Variants in SNX17 observed in about 807,000 individuals in gnomAD.
SNX17 encodes sorting nexin-17.
A neutral mutation model predicts 64.3 loss-of-function variants in SNX17; 35 were observed. The ratio of observed to expected loss-of-function variants is 0.54; its 90% CI spans 0.42 to 0.72. The LOEUF (loss-of-function observed/expected upper bound fraction) is 0.72, where lower values mean the gene tolerates loss of function less well. Among genes scored for constraint, SNX17 ranks in the 30% least tolerant of loss-of-function variants. SNX17 has a pLI of 0.00. For synonymous variants in SNX17, 259 were observed against 230.2 expected, an observed-to-expected ratio of 1.13 and a Z score of -1.13; for missense variants, 538 against 610.0, an observed-to-expected ratio of 0.88 and a Z score of 1.24.
chr2:27,376,407 C>T lies in SNX17; in HGVS notation c.1257+20C>T. ...CTGCTTGTAAGTATTACCTCCTGGT[C>T]AGAACCCTGGCTCTCAGCCCTGCCT... is the stretch of plus-strand genomic sequence containing the variant. On this transcript the variant is annotated intron_variant, in intron 13 of 14. Coordinates refer to ENST00000233575, the MANE Select transcript of SNX17 (RefSeq NM_014748.4). 3.7e-6 allele frequency: 6 copies of T among 1,614,068 alleles called. No individual in the cohort carries two copies. The highest frequency in any genetic ancestry group is 5.1e-6 in the Non-Finnish European group (6 of 1,179,994).
At chr2:27,371,159 G>T (rs1682475278) in intron 1 of SNX17, 110 bp from the exon 2 acceptor site, 1 of 972,918 alleles carries the variant, frequency 1.0e-6, no homozygotes, top group Non-Finnish European at 1.6e-6. Flanking sequence ...CTATCCCTCG[G>T]GAGATTAGCG....
chr2:27,375,213 A>G lies in SNX17; in HGVS notation c.774+60A>G. On this transcript the variant is annotated intron_variant, in intron 9 of 14. Coordinates refer to ENST00000233575, the MANE Select transcript of SNX17 (RefSeq NM_014748.4). This position sits in a 1 kb window ranked among gnomAD's most constrained non-coding sequence, Gnocchi z 4.1. Reference sequence around the variant, plus strand: ...GCTTGCAGTGGCGCGATCTTGGCTCACTGCAAGCTCTGCCTCTCAGATTCA... The same window carrying G: ...GCTTGCAGTGGCGCGATCTTGGCTCGCTGCAAGCTCTGCCTCTCAGATTCA... 6.7e-7 allele frequency: 1 copy of G among 1,484,162 alleles called. No individual in the cohort carries two copies. Among genetic ancestry groups the G allele is most frequent in the Non-Finnish European group, 9.4e-7 (1 of 1,068,750 alleles). The allele number at this position is 1,484,162 out of a possible 1,614,324, so 91.9% of individuals were successfully genotyped here. A position where few individuals can be genotyped will look rare whatever the true frequency, so the allele number is the denominator to read the frequency against.
Position 27,374,431 on chromosome 2 carries a change from G to C in SNX17, c.609G>C (p.Lys203Asn). 1 of 1,613,744 alleles carries C rather than the reference G, an allele frequency of 6.2e-7. No homozygotes were observed. The highest frequency in any genetic ancestry group is 8.5e-7 in the Non-Finnish European group (1 of 1,179,792). The change falls in exon 7 of 15, where the codon AAG becomes AAC. Residue 203 changes from lysine to asparagine, a missense_variant and splice_region_variant. Lys to Asn is a moderately conservative substitution (Grantham distance 94). Around this residue, in one of 3 missense-constraint regions of SNX17, gnomAD observed 505 missense variants for 550.4 expected, o/e 0.92. Coordinates refer to ENST00000233575, the MANE Select transcript of SNX17 (RefSeq NM_014748.4). Reference protein sequence around the residue: ...RSQEYKIVLRKSYWDSAYDDD... With the variant: ...RSQEYKIVLRNSYWDSAYDDD... ...AAGAGTATAAGATTGTGCTAAGGAA[G>C]AGGTCAGGGCTGGGCCTGGAAGGGG...
At chr2:27,374,969 CT>C in intron 8 of SNX17, 91 bp from the exon 9 acceptor site, 1 of 1,224,344 alleles carries the variant, frequency 8.2e-7, no homozygotes, top group Non-Finnish European at 1.2e-6. Context: ...AAGTGTGGGG[CT>C]AGGGGTCAGG....
intron 8 of SNX17, 148 bp downstream of exon 8, chr2:27,374,906 C>T (rs1683009950): frequency 1.2e-5 from 12 of 961,838 alleles, no homozygotes; most frequent in Admixed American, 2.0e-5. Context: ...TATCTACTCT[C>T]CCTACTTTTA....
intron 2 of SNX17, 74 bp downstream of exon 2, chr2:27,371,417 C>G: frequency 2.0e-6 from 3 of 1,528,246 alleles, no homozygotes; most frequent in Middle Eastern, 1.7e-4. Flanking sequence ...CTCCCTTTAC[C>G]CGCTCTTCTT....
At position 27,377,328 on chromosome 2, in the gene SNX17, C is replaced by G. The variant is rs536704518; in HGVS notation, c.*609C>G. 640 of 695,354 alleles carry G rather than the reference C, an allele frequency of 9.2e-4. No individual in the cohort carries two copies. Among genetic ancestry groups the G allele is most frequent in the Non-Finnish European group, 1.3e-3 (514 of 382,658 alleles). 43.1% of individuals were successfully genotyped at this position (695,354 alleles called of 1,614,324 possible). A position where few individuals can be genotyped will look rare whatever the true frequency, so the allele number is the denominator to read the frequency against. On this transcript the variant is annotated 3_prime_UTR_variant, in exon 15 of 15. Coordinates refer to ENST00000233575, the MANE Select transcript of SNX17 (RefSeq NM_014748.4). This position sits in a 1 kb window ranked among gnomAD's most constrained non-coding sequence, Gnocchi z 4.4. ...CCCCCAGCCGGTTTGTCCACAGCCC[C>G]TGGGGGCAGTGGAGGTGAATACAGG...
rs1434300263 is a variant in SNX17, at chr2:27,371,298, G to C, written c.93G>C (p.Leu31=). 6.2e-7 allele frequency: 1 copy of C among 1,613,464 alleles called. No homozygotes were observed. The highest frequency in any genetic ancestry group is 1.1e-5 in the South Asian group (1 of 91,086). Residue 31 remains leucine (L), a synonymous_variant, in exon 2 of 15, where the codon CTG becomes CTC. Coordinates refer to ENST00000233575, the MANE Select transcript of SNX17 (RefSeq NM_014748.4). ...ATAACATTCACGTGAATGGAGTCCTGCACTGTCGGGTGCGCTACAGCCAGC... is the reference window on the plus strand; with the variant it reads ...ATAACATTCACGTGAATGGAGTCCTCCACTGTCGGGTGCGCTACAGCCAGC... ...VAYNIHVNGV[L]HCRVRYSQLL...
Position 27,373,906 on chromosome 2 carries a change from C to T in SNX17, c.367C>T (p.Leu123Phe). Residue 123 changes from leucine to phenylalanine, a missense_variant, in exon 5 of 15, where the codon CTC (leucine) becomes TTC (phenylalanine). By Grantham distance (22) the Leu-to-Phe change is conservative. This residue lies in a region of SNX17 where 505 missense variants were observed against 550.4 expected (regional missense o/e 0.92). Coordinates refer to ENST00000233575, the MANE Select transcript of SNX17 (RefSeq NM_014748.4). ...AGAGGAAGTGTCCTTGGAAGTGCTG[C>T]TCAGCAACGGGCAGAAAGTTCTGGT... is the stretch of plus-strand genomic sequence containing the variant. ...PTEEVSLEVL[L>F]SNGQKVLVNV... is the part of the protein sequence containing the mutation. The T allele has an allele frequency of 6.2e-7, 1 of 1,614,124 alleles. No individual in the cohort carries two copies. Among genetic ancestry groups the T allele is most frequent in the African/African-American group, 1.3e-5 (1 of 75,052 alleles).
chr2:27,373,988 G>A lies in SNX17; in HGVS notation c.432+17G>A, dbSNP rs1202745954. 3.7e-6 allele frequency: 6 copies of A among 1,611,854 alleles called. No individual in the cohort carries two copies. The highest frequency in any genetic ancestry group is 1.7e-5 in the Admixed American group (1 of 60,030). On this transcript the variant is annotated intron_variant, in intron 5 of 14. Coordinates refer to ENST00000233575, the MANE Select transcript of SNX17 (RefSeq NM_014748.4). ...GTCCTGGAGGTGAGGCGCTTGTTCA[G>A]CACTGCCCCTTCTTCCCCTACATCC...
rs1227802453 is a variant in SNX17, at chr2:27,376,188, G to A, written c.1182+5G>A. 7 of 1,614,096 alleles carry A rather than the reference G, an allele frequency of 4.3e-6. No individual in the cohort carries two copies. Among genetic ancestry groups the A allele is most frequent in the Non-Finnish European group, 5.9e-6 (7 of 1,180,004 alleles). ...TCTGGCGGCAGTATCAGGAAGGTAG[G>A]CAGCAAGTGTGGACTGAGCAGTGAG... On this transcript the variant is annotated splice_donor_5th_base_variant and intron_variant, in intron 12 of 14. Coordinates refer to ENST00000233575, the MANE Select transcript of SNX17 (RefSeq NM_014748.4).
rs1683141530 is a variant in SNX17, at chr2:27,375,809, C to G, written c.979-37C>G. On this transcript the variant is annotated intron_variant, in intron 10 of 14. Coordinates refer to ENST00000233575, the MANE Select transcript of SNX17 (RefSeq NM_014748.4). This position sits in a 1 kb window ranked among gnomAD's most constrained non-coding sequence, Gnocchi z 4.1. ...GGGTCAGGGAGCCAGACAGGTTGGTCAGAGTGAACTCAACCGAATTCCCCT... is the reference window on the plus strand; with the variant it reads ...GGGTCAGGGAGCCAGACAGGTTGGTGAGAGTGAACTCAACCGAATTCCCCT... 9 of 1,611,222 alleles carry G rather than the reference C, an allele frequency of 5.6e-6. No individual in the cohort carries two copies. Among genetic ancestry groups the G allele is most frequent in the East Asian group, 4.5e-5 (2 of 44,844 alleles).
Position 27,371,284 on chromosome 2 carries a change from G to A in SNX17, c.79G>A (p.Val27Met). Reference sequence around the variant, plus strand: ...GTGTCCTCAGGCCTATAACATTCACGTGAATGGAGTCCTGCACTGTCGGGT... The same window carrying A: ...GTGTCCTCAGGCCTATAACATTCACATGAATGGAGTCCTGCACTGTCGGGT... ...GSAYVAYNIH[V>M]NGVLHCRVRY... The change falls in exon 2 of 15, where the codon GTG becomes ATG. Residue 27 changes from valine to methionine, a missense_variant. Physicochemically the swap from Val to Met is conservative, Grantham distance 21 (BLOSUM62 1). Transcript: ENST00000233575. The A allele has an allele frequency of 6.2e-7, 1 of 1,613,562 alleles. No individual in the cohort carries two copies. Among genetic ancestry groups the A allele is most frequent in the Non-Finnish European group, 8.5e-7 (1 of 1,180,006 alleles).
At chr2:27,376,425 C>T (rs751961731) in intron 13 of SNX17, 38 bp downstream of exon 13, 20 of 1,613,890 alleles carry the variant, frequency 1.2e-5, no homozygotes, top group African/African-American at 4.0e-5. Flanking sequence ...TGGCTCTCAG[C>T]CCTGCCTCAC....
chr2:27,374,945 C>T (rs969309946), intron 8 of SNX17, 116 bp from the exon 9 acceptor site: 4 of 1,028,082 alleles, frequency 3.9e-6, no homozygotes, highest in Admixed American at 3.8e-5. Context: ...GGACTTACTG[C>T]AGAGAGGTCG....
intron 11 of SNX17, 48 bp from the exon 12 acceptor site, chr2:27,376,058 G>A: frequency 6.2e-7 from 1 of 1,613,740 alleles, no homozygotes; most frequent in East Asian, 2.2e-5. Flanking sequence ...GTGGTGCTGG[G>A]CTCAGAGTGA....
At position 27,374,126 on chromosome 2, in the gene SNX17, A is replaced by T; in HGVS notation, c.474A>T (p.Gly158=). The T allele has an allele frequency of 1.2e-6, 2 of 1,614,104 alleles. No homozygotes were observed. Among genetic ancestry groups the T allele is most frequent in the South Asian group, 2.2e-5 (2 of 91,090 alleles). Residue 158 remains glycine (G), a synonymous_variant, in exon 6 of 15, where the codon GGA becomes GGT. Transcript: ENST00000233575. ...TGGATCTTCCAGATGACTTGATTGG[A>T]TACTTTAGTCTATTCTTAGTTCGAG... ...AKLDLPDDLI[G]YFSLFLVREK... is the part of the protein sequence containing the mutation.
intron 1 of SNX17, 43 bp downstream of exon 1, chr2:27,370,849 G>A (rs749057916): frequency 1.2e-5 from 18 of 1,527,250 alleles, no homozygotes; most frequent in African/African-American, 1.4e-5. Context: ...CAGGGGCGGG[G>A]ATAACGGGCC....
In SNX17 at chr2:27,373,256, A is replaced by G; in HGVS notation, c.266A>G (p.Asp89Gly). Reference protein sequence around the residue: ...LEKYMQAVRQDPLLGSSETFN... With the variant: ...LEKYMQAVRQGPLLGSSETFN... ...TCTCTTGTCCTCGTAGTTCGGCAAG[A>G]CCCATTGCTTGGGAGCAGCGAGACT... The change falls in exon 4 of 15, where the codon GAC becomes GGC. Residue 89 changes from aspartate to glycine, a missense_variant. Coordinates refer to ENST00000233575, the MANE Select transcript of SNX17 (RefSeq NM_014748.4). 6.2e-7 allele frequency: 1 copy of G among 1,614,158 alleles called. No individual in the cohort carries two copies. Among genetic ancestry groups the G allele is most frequent in the South Asian group, 1.1e-5 (1 of 91,086 alleles).
Sources: gnomAD v4.1 joint callset for allele counts on GRCh38, gnomAD v4.1.1 for gene constraint, gnomAD v4.1.1 regional missense constraint, Gnocchi (gnomAD v3.1) non-coding constraint, MANE v1.5 for transcripts, NCBI Gene and HGNC (gene_info 2026-07-23, HGNC 2026-07-21) for gene names.